The following BRINP3 variants were observed in gnomAD, a reference collection of about 807,000 sequenced individuals.
BRINP3 encodes BMP/retinoic acid-inducible neural-specific protein 3.
BRINP3 carries 19 observed loss-of-function variants against 71.0 expected under a neutral mutation model. The ratio of observed to expected loss-of-function variants is 0.27; its 90% CI spans 0.19 to 0.39. The LOEUF is 0.39. BRINP3 is among the 10% of genes least tolerant of loss of function. The pLI is 1.00. For synonymous variants in BRINP3, 380 were observed against 337.7 expected (o/e 1.13, Z -1.37); for missense variants, 959 against 940.8 (o/e 1.02, Z -0.25).
intron 7 of BRINP3, among the ~76,000 whole-genome samples, chr1:190,101,770 A>C (rs1651722111): frequency 6.6e-6 from 1 of 152,212 alleles, no homozygotes; most frequent in Non-Finnish European, 1.5e-5. Flanking sequence ...TTTCCAAATC[A>C]TAAGAAGAAA....
rs1218856145 is a variant in BRINP3 at position 190,098,181 on chromosome 1, A to C, written c.2138T>G (p.Leu713Arg). The C allele has an allele frequency of 5.6e-6, 9 of 1,614,008 alleles. No homozygotes were observed. Among genetic ancestry groups the C allele is most frequent in the Non-Finnish European group, 6.8e-6 (8 of 1,180,040 alleles). Residue 713 changes from leucine to arginine, a missense_variant, in exon 8 of 8, where the codon CTC (leucine) becomes CGC (arginine). Physicochemically the swap from Leu to Arg is moderately radical, Grantham distance 102. Coordinates refer to ENST00000367462, the MANE Select transcript of BRINP3 (RefSeq NM_199051.3). Reference sequence around the variant, plus strand: ...TAGACGACGCTGACCAGGTGGGGAGAGTTTATTTACACGGTCTCTGATCTC... The same window carrying C: ...TAGACGACGCTGACCAGGTGGGGAGCGTTTATTTACACGGTCTCTGATCTC... ...LLEIRDRVNK[L>R]SPPGQRRLDL...
At chr1:190,391,108 G>A (rs1384833565) in intron 2 of BRINP3, among the ~76,000 whole-genome samples, 1 of 151,730 alleles carries the variant, frequency 6.6e-6, no homozygotes, top group Admixed American at 6.6e-5. Context: ...AGCAGAAGGA[G>A]TTTCCTGATC....
chr1:190,255,728 C>T (rs1241586926), intron 4 of BRINP3, among the ~76,000 whole-genome samples: 3 of 149,520 alleles, frequency 2.0e-5, no homozygotes, highest in Non-Finnish European at 4.5e-5. Flanking sequence ...TTTAAAAAAA[C>T]CAGCTCCTGG....
chr1:190,201,864 G>A (rs978969411), intron 6 of BRINP3, among the ~76,000 whole-genome samples: 4 of 152,192 alleles, frequency 2.6e-5, no homozygotes, highest in Non-Finnish European at 5.9e-5. Flanking sequence ...GGAAATGCCT[G>A]GATGTCCAGG....
At chr1:190,418,848 C>T (rs1673174141) in intron 2 of BRINP3, among the ~76,000 whole-genome samples, 1 of 152,072 alleles carries the variant, frequency 6.6e-6, no homozygotes, top group African/African-American at 2.4e-5. Context: ...AGCACCTCGG[C>T]ACACTCATTG....
intron 7 of BRINP3, among the ~76,000 whole-genome samples, chr1:190,141,455 C>T (rs567399323): frequency 1.3e-5 from 2 of 151,764 alleles, no homozygotes; most frequent in African/African-American, 4.8e-5. Flanking sequence ...CCAGAATTAA[C>T]ACCACAATTT....
chr1:190,345,350 T>G (rs1047508034), intron 2 of BRINP3, among the ~76,000 whole-genome samples: 1 of 151,678 alleles, frequency 6.6e-6, no homozygotes, highest in East Asian at 1.9e-4. Flanking sequence ...ATTGAAGCAA[T>G]AGTTTAGAGC....
chr1:190,455,083 A>G, intron 1 of BRINP3, 143 bp from the exon 2 acceptor site: 1 of 493,852 alleles, frequency 2.0e-6, no homozygotes, highest in Admixed American at 3.6e-5. Context: ...ATACAAACCA[A>G]AATTATTTTT....
rs980486699 is a variant in BRINP3, at chr1:190,300,972, T to A, written c.237-19222A>T. On this transcript the variant is annotated intron_variant, in intron 2 of 7. Coordinates refer to ENST00000367462, the MANE Select transcript of BRINP3 (RefSeq NM_199051.3). ...GAGAAGAAGGCTTCAGATGATCAAA[T>A]TACTCTGAGCTACGGGAGGACATTC... is the stretch of plus-strand genomic sequence containing the variant. Among the ~76,000 whole-genome samples the A allele has an allele frequency of 2.6e-5, 4 of 151,692 alleles. No individual in the cohort carries two copies. In the South Asian group the frequency reaches 8.3e-4, roughly 32 times the overall value.
intron 6 of BRINP3, among the ~76,000 whole-genome samples, chr1:190,188,216 T>G (rs955579680): frequency 6.6e-6 from 1 of 152,178 alleles, no homozygotes; most frequent in African/African-American, 2.4e-5. Flanking sequence ...AAGGTTGATT[T>G]TGTATCCTGC....
intron 7 of BRINP3, among the ~76,000 whole-genome samples, chr1:190,150,658 A>T (rs1180637466): frequency 1.3e-5 from 2 of 152,196 alleles, no homozygotes; most frequent in African/African-American, 4.8e-5. Context: ...TGAAATAGCC[A>T]ATTTCATTTT....
chr1:190,131,181 G>A (rs113905881), intron 7 of BRINP3, among the ~76,000 whole-genome samples: 29 of 127,014 alleles, frequency 2.3e-4, no homozygotes, highest in African/African-American at 2.9e-4. Context: ...TGTGTGTGGC[G>A]GGGGGTGGGG....
At position 190,288,410 on chromosome 1, in the gene BRINP3, T is replaced by C. The variant is rs574365507; in HGVS notation, c.237-6660A>G. Among the ~76,000 whole-genome samples, 4 of 152,168 alleles carry C rather than the reference T, an allele frequency of 2.6e-5. No individual in the cohort carries two copies. The East Asian group carries it at 5.8e-4, about 22-fold the overall frequency. ...AGATATAAATATTTGCATTTGTGAATATATTTTATTATTTTAGATAGGGAA... is the reference window on the plus strand; with the variant it reads ...AGATATAAATATTTGCATTTGTGAACATATTTTATTATTTTAGATAGGGAA... On this transcript the variant is annotated intron_variant, in intron 2 of 7. Coordinates refer to ENST00000367462, the MANE Select transcript of BRINP3 (RefSeq NM_199051.3).
At chr1:190,302,045 A>G (rs1326636301) in intron 2 of BRINP3, among the ~76,000 whole-genome samples, 1 of 151,330 alleles carries the variant, frequency 6.6e-6, no homozygotes, top group Non-Finnish European at 1.5e-5. Flanking sequence ...GGAGAAAAAT[A>G]TAGAGTTAAT....
chr1:190,432,637 C>T (rs1004091493), intron 2 of BRINP3, among the ~76,000 whole-genome samples: 2 of 152,092 alleles, frequency 1.3e-5, no homozygotes, highest in East Asian at 1.9e-4. Context: ...TCTACTGCCA[C>T]GTTAAGAGGT....
chr1:190,101,564 T>C (rs988987259), intron 7 of BRINP3, among the ~76,000 whole-genome samples: 4 of 152,192 alleles, frequency 2.6e-5, no homozygotes, highest in African/African-American at 9.7e-5. Context: ...TTTTTCTTTC[T>C]TCCTTTTTCA....
chr1:190,455,459 G>C (rs905947486), intron 1 of BRINP3, among the ~76,000 whole-genome samples: 4 of 151,986 alleles, frequency 2.6e-5, no homozygotes, highest in Admixed American at 2.6e-4. Flanking sequence ...GTATGTATAT[G>C]TGTGTATATG....
At chr1:190,466,458 C>T (rs566807033) in intron 1 of BRINP3, among the ~76,000 whole-genome samples, 1 of 151,654 alleles carries the variant, frequency 6.6e-6, no homozygotes, top group East Asian at 1.9e-4. Context: ...ATTTAAGGAG[C>T]TTTCAAAGAT....
At chr1:190,135,811 C>A (rs74420925) in intron 7 of BRINP3, among the ~76,000 whole-genome samples, 1 of 151,902 alleles carries the variant, frequency 6.6e-6, no homozygotes, top group African/African-American at 2.4e-5. Context: ...CTACAACATA[C>A]GTAAAAAGGC....
Sources: gnomAD v4.1 joint callset for allele counts (sites outside exome capture counted in the v4.1 genomes callset) on GRCh38, gnomAD v4.1.1 for gene constraint, MANE v1.5 for transcripts, NCBI Gene and HGNC (gene_info 2026-07-23, HGNC 2026-07-21) for gene names.